The following LAMA2 variants were observed in gnomAD, a reference collection of about 807,000 sequenced individuals.
LAMA2 encodes laminin subunit alpha 2, also known as laminin subunit alpha-2.
LAMA2 carries 269 observed loss-of-function variants against 364.8 expected under a neutral mutation model. The observed-to-expected ratio is 0.74, with a 90% CI of 0.67 to 0.82. The LOEUF (loss-of-function observed/expected upper bound fraction) is 0.82, where lower values mean the gene tolerates loss of function less well. LAMA2 is among the 40% of genes least tolerant of loss of function. The pLI, the probability that LAMA2 is intolerant of heterozygous loss-of-function variation, is 0.00. For missense variants in LAMA2, 3,807 were observed against 3,873.2 expected (o/e 0.98, Z 0.45); for synonymous variants, 1,379 against 1,370.6 (o/e 1.01, Z -0.14).
intron 1 of LAMA2, chr6:128,929,650 G>A (rs1779328626): frequency 2.8e-6 from 4 of 1,421,498 alleles, no homozygotes; most frequent in East Asian, 2.3e-5. Context: ...ATAGTGATGC[G>A]GTCTCGGTTT....
chr6:128,928,891 G>T, intron 1 of LAMA2: 1 of 690,760 alleles, frequency 1.4e-6, no homozygotes, highest in Admixed American at 2.1e-5. Context: ...GTGTTTGATG[G>T]CCAGGACCTC....
intron 58 of LAMA2, among the ~76,000 whole-genome samples, chr6:129,499,192 A>ACTT (rs1785431610): frequency 2.0e-5 from 3 of 152,148 alleles, no homozygotes; most frequent in Non-Finnish European, 2.9e-5. Context: ...TATTTCTAGT[A>ACTT]CTTTAAAAAG....
intron 29 of LAMA2, among the ~76,000 whole-genome samples, chr6:129,340,412 A>G (rs774081763): frequency 2.6e-5 from 4 of 152,090 alleles, no homozygotes; most frequent in Non-Finnish European, 4.4e-5. Context: ...AAGGAAACCA[A>G]TTTAGGAGTG....
intron 1 of LAMA2, among the ~76,000 whole-genome samples, chr6:128,993,492 C>A (rs941757293): frequency 1.3e-5 from 2 of 152,142 alleles, no homozygotes; most frequent in Non-Finnish European, 1.5e-5. Context: ...TTGTACATTT[C>A]TATTCTGTCT....
chr6:129,109,631 T>TA (rs1356607026), intron 4 of LAMA2, among the ~76,000 whole-genome samples: 22 of 152,104 alleles, frequency 1.4e-4, no homozygotes, highest in African/African-American at 5.3e-4. Flanking sequence ...ACTTAAAAGA[T>TA]ATATATTTCT....
In LAMA2 at chr6:129,460,072, A is replaced by C. The variant is rs568724094; in HGVS notation, c.6868-128A>C. 4 of 887,254 alleles carry C rather than the reference A, an allele frequency of 4.5e-6. No individual in the cohort carries two copies. The African/African-American group carries it at 4.9e-5, about 11-fold the overall frequency. The allele number at this position is 887,254 out of a possible 1,614,324, so 55.0% of individuals were successfully genotyped here. A position where few individuals can be genotyped will look rare whatever the true frequency, so the allele number is the denominator to read the frequency against. ...CTATGATGAAAAGATGAATATGTAC[A>C]TATGCCAAAATATCAGAAAGAATGG... is the stretch of plus-strand genomic sequence containing the variant. On this transcript the variant is annotated intron_variant, in intron 48 of 64. Coordinates refer to ENST00000421865, the MANE Select transcript of LAMA2 (RefSeq NM_000426.4).
At chr6:129,272,359 C>A (rs567480276) in intron 17 of LAMA2, among the ~76,000 whole-genome samples, 2 of 152,122 alleles carry the variant, frequency 1.3e-5, no homozygotes, top group African/African-American at 4.8e-5. Context: ...TATAATAGGA[C>A]TCTCATAGGG....
chr6:129,380,945 G>T (rs1391349968), intron 34 of LAMA2, among the ~76,000 whole-genome samples: 1 of 152,158 alleles, frequency 6.6e-6, no homozygotes, highest in Non-Finnish European at 1.5e-5. Flanking sequence ...AGGAAGTTAA[G>T]ACAATGAATA....
chr6:129,457,213 C>T (rs1783013891), intron 48 of LAMA2, among the ~76,000 whole-genome samples: 1 of 152,070 alleles, frequency 6.6e-6, no homozygotes, highest in African/African-American at 2.4e-5. Flanking sequence ...AGGACTCAAC[C>T]TTCATATAGA....
At chr6:129,478,001 C>G (rs1361148758) in intron 53 of LAMA2, among the ~76,000 whole-genome samples, 1 of 86,596 alleles carries the variant, frequency 1.2e-5, no homozygotes, top group African/African-American at 3.1e-5. Flanking sequence ...TTGCCTCAGG[C>G]TGGTCTTGTC....
At chr6:129,113,352 C>T (rs1436801589) in intron 4 of LAMA2, among the ~76,000 whole-genome samples, 1 of 151,984 alleles carries the variant, frequency 6.6e-6, no homozygotes, top group East Asian at 1.9e-4. Context: ...ATCCAGTTGG[C>T]AGGAGATGGA....
intron 9 of LAMA2, among the ~76,000 whole-genome samples, chr6:129,176,944 A>G (rs1285949056): frequency 6.6e-6 from 1 of 151,540 alleles, no homozygotes; most frequent in Admixed American, 6.6e-5. Flanking sequence ...TCTCTCCCTA[A>G]TGTTTCCTTG....
At chr6:129,014,758 TC>T (rs1379553284) in intron 1 of LAMA2, among the ~76,000 whole-genome samples, 2 of 151,956 alleles carry the variant, frequency 1.3e-5, no homozygotes, top group Non-Finnish European at 2.9e-5. Flanking sequence ...AAACCTCAGC[TC>T]CCCCAATAAT....
rs559229280 is a variant in LAMA2, at chr6:129,134,707, A to C, written c.640-9194A>C. Among the ~76,000 whole-genome samples, 14 of 152,300 alleles carry C rather than the reference A, an allele frequency of 9.2e-5. No individual in the cohort carries two copies. The East Asian group carries it at 2.1e-3, about 23-fold the overall frequency. On this transcript the variant is annotated intron_variant, in intron 4 of 64. Coordinates refer to ENST00000421865, the MANE Select transcript of LAMA2 (RefSeq NM_000426.4). ...TGCTCCTTTGAGAACCTAATGCCAC[A>C]GCTGCTGATCTGACAGGAGGTGGAG...
At chr6:129,026,341 T>TA (rs1158120155) in intron 1 of LAMA2, among the ~76,000 whole-genome samples, 1 of 152,176 alleles carries the variant, frequency 6.6e-6, no homozygotes, top group African/African-American at 2.4e-5. Flanking sequence ...TTAAAATAAA[T>TA]ATATTGTCGA....
intron 4 of LAMA2, among the ~76,000 whole-genome samples, chr6:129,114,945 A>G (rs1776381877): frequency 6.6e-6 from 1 of 152,094 alleles, no homozygotes; most frequent in South Asian, 2.1e-4. Flanking sequence ...TTTATGTACT[A>G]CAGCTACACC....
At chr6:129,402,255 T>C (rs544871588) in intron 38 of LAMA2, 69 bp from the exon 39 acceptor site, 102 of 1,129,978 alleles carry the variant, frequency 9.0e-5, no homozygotes, top group Non-Finnish European at 1.3e-4. Context: ...TTATGTCTCA[T>C]AGAGAAATTA....
intron 32 of LAMA2, among the ~76,000 whole-genome samples, chr6:129,358,033 T>C (rs559417389): frequency 6.6e-6 from 1 of 152,144 alleles, no homozygotes; most frequent in African/African-American, 2.4e-5. Context: ...TAAGTTCTTA[T>C]TTGAAAGGAC....
chr6:129,395,302 A>AAC (rs1180875417), intron 37 of LAMA2, among the ~76,000 whole-genome samples: 4 of 152,196 alleles, frequency 2.6e-5, no homozygotes, highest in African/African-American at 9.7e-5. Flanking sequence ...ATTAATACCC[A>AAC]ACTCAAAAAC....
Sources: gnomAD v4.1 joint callset for allele counts (sites outside exome capture counted in the v4.1 genomes callset) on GRCh38, gnomAD v4.1.1 for gene constraint, MANE v1.5 for transcripts, NCBI Gene and HGNC (gene_info 2026-07-23, HGNC 2026-07-21) for gene names.